Variants in CAMSAP1 observed in about 807,000 individuals in gnomAD.
CAMSAP1 encodes calmodulin-regulated spectrin-associated protein 1.
A neutral mutation model predicts 143.5 loss-of-function variants in CAMSAP1; 58 were observed. That is an observed-to-expected ratio of 0.40 (90% CI 0.33 to 0.50). CAMSAP1 has a LOEUF of 0.50. Ranked by LOEUF, CAMSAP1 falls within the 20% of genes least tolerant of loss-of-function variation. The pLI is 0.45. For missense variants in CAMSAP1, 1,969 were observed against 2,115.7 expected (o/e 0.93, Z 1.36); for synonymous variants, 945 against 859.3 (o/e 1.10, Z -1.74).
chr9:135,842,393 G>A (rs111309978), intron 7 of CAMSAP1, among the ~76,000 whole-genome samples: 2,823 of 152,274 alleles, frequency 0.019, 93 homozygotes, highest in African/African-American at 0.065. Context: ...CTAAAGTGAC[G>A]GGGAGAATGG....
At chr9:135,886,895 C>T (rs1181624468) in intron 1 of CAMSAP1, among the ~76,000 whole-genome samples, 1 of 152,218 alleles carries the variant, frequency 6.6e-6, no homozygotes, top group Non-Finnish European at 1.5e-5. Context: ...CTTATAATTC[C>T]TGCCAGCCTG....
intron 5 of CAMSAP1, among the ~76,000 whole-genome samples, chr9:135,850,706 C>A (rs550582822): frequency 6.6e-6 from 1 of 152,180 alleles, no homozygotes; most frequent in Non-Finnish European, 1.5e-5. Context: ...TAATAGAAAT[C>A]GCTCAGATCT....
chr9:135,907,269 A>C lies in CAMSAP1; in HGVS notation c.-110T>G, dbSNP rs956228971. ...CCACCACTCGGCCCCGCAGCCGGCC[A>C]GCCGGGAGGGGCGCCCGAGCGCGGC... On this transcript the variant is annotated 5_prime_UTR_variant, in exon 1 of 17. Transcript: ENST00000389532. 19 of 705,700 alleles carry C rather than the reference A, an allele frequency of 2.7e-5. No homozygotes were observed. Among genetic ancestry groups the C allele is most frequent in the Non-Finnish European group, 3.3e-5 (19 of 575,228 alleles). The allele number at this position is 705,700 out of a possible 1,614,324, so 43.7% of individuals were successfully genotyped here.
rs906378781 is a variant in CAMSAP1, at chr9:135,819,283, G to A, written c.3823-137C>T. ...AAGACTTCTATGCTTTTCTCTAACC[G>A]TTACAGACTCTGAAATACGAATGAA... is the stretch of plus-strand genomic sequence containing the variant. On this transcript the variant is annotated intron_variant, in intron 11 of 16. Coordinates refer to ENST00000389532, the MANE Select transcript of CAMSAP1 (RefSeq NM_015447.4). 13 of 1,199,972 alleles carry A rather than the reference G, an allele frequency of 1.1e-5. No homozygotes were observed. The African/African-American group carries it at 1.5e-4, about 14-fold the overall frequency. The allele number at this position is 1,199,972 out of a possible 1,614,324, so 74.3% of individuals were successfully genotyped here.
rs924298374 is a variant in CAMSAP1 at position 135,882,741 on chromosome 9, T to C, written c.423+75A>G. On this transcript the variant is annotated intron_variant, in intron 2 of 16. Coordinates refer to ENST00000389532, the MANE Select transcript of CAMSAP1 (RefSeq NM_015447.4). The surrounding 1 kb of genome is among the most constrained non-coding windows in gnomAD (Gnocchi z 4.9). ...CCGCACACCGTGTTCACACCATCCA[T>C]GCACCAGGTGCGCCACACGAGAGCC... 8 of 1,487,254 alleles carry C rather than the reference T, an allele frequency of 5.4e-6. No homozygotes were observed. Among genetic ancestry groups the C allele is most frequent in the African/African-American group, 4.2e-5 (3 of 71,932 alleles). 92.1% of individuals were successfully genotyped at this position (1,487,254 alleles called of 1,614,324 possible).
intron 7 of CAMSAP1, chr9:135,836,763 C>T (rs1195391996): frequency 1.0e-6 from 1 of 979,328 alleles, no homozygotes; most frequent in East Asian, 1.2e-4. Context: ...TGTCACGTAC[C>T]TTCTACCCTG....
intron 1 of CAMSAP1, among the ~76,000 whole-genome samples, chr9:135,894,113 C>T (rs1417331110): frequency 6.6e-6 from 1 of 152,174 alleles, no homozygotes; most frequent in Non-Finnish European, 1.5e-5. Flanking sequence ...CCACCTACCA[C>T]ACCAGGCGAG....
intron 3 of CAMSAP1, among the ~76,000 whole-genome samples, chr9:135,876,439 A>G (rs1837752525): frequency 6.6e-6 from 1 of 152,228 alleles, no homozygotes. Flanking sequence ...GCACCTCATA[A>G]AAGAATGTAG....
intron 3 of CAMSAP1, 36 bp from the exon 4 acceptor site, chr9:135,866,572 G>T: frequency 1.0e-6 from 1 of 963,990 alleles, no homozygotes. Flanking sequence ...AGAGGTAATT[G>T]CTGTCCCGCA....
At chr9:135,823,693 C>T (rs1055036096) in intron 10 of CAMSAP1, among the ~76,000 whole-genome samples, 1 of 152,206 alleles carries the variant, frequency 6.6e-6, no homozygotes, top group African/African-American at 2.4e-5. Context: ...TGGGATCTGG[C>T]TGGACCCTCA....
At chr9:135,888,313 C>T (rs986788481) in intron 1 of CAMSAP1, among the ~76,000 whole-genome samples, 1 of 152,252 alleles carries the variant, frequency 6.6e-6, no homozygotes, top group Non-Finnish European at 1.5e-5. Flanking sequence ...AAGTGGCCAT[C>T]TGTCGACTGC....
chr9:135,902,516 T>G (rs1275591245), intron 1 of CAMSAP1, among the ~76,000 whole-genome samples: 1 of 152,162 alleles, frequency 6.6e-6, no homozygotes, highest in African/African-American at 2.4e-5. Context: ...GAGCACAGAT[T>G]TCATTTTAAC....
Position 135,877,208 on chromosome 9 carries a change from C to T in CAMSAP1, c.585+4425G>A, listed in dbSNP as rs550608409. ...CAATGCCACAGGTCAATCTCAGAAACACTTTGTTCACTGAAAGAAGCCAAA... is the reference window on the plus strand; with the variant it reads ...CAATGCCACAGGTCAATCTCAGAAATACTTTGTTCACTGAAAGAAGCCAAA... On this transcript the variant is annotated intron_variant, in intron 3 of 16. Transcript: ENST00000389532. Among the ~76,000 whole-genome samples the T allele has an allele frequency of 2.0e-5, 3 of 152,062 alleles. No homozygotes were observed. The South Asian group carries it at 6.3e-4, about 32-fold the overall frequency.
intron 7 of CAMSAP1, among the ~76,000 whole-genome samples, chr9:135,847,840 G>C (rs995811840): frequency 2.6e-5 from 1 of 39,000 alleles, no homozygotes; most frequent in African/African-American, 1.1e-4. Flanking sequence ...CCCAGAACAG[G>C]GAAGGGGAGG....
At chr9:135,843,742 C>T (rs1268506119) in intron 7 of CAMSAP1, among the ~76,000 whole-genome samples, 6 of 151,734 alleles carry the variant, frequency 4.0e-5, no homozygotes, top group South Asian at 2.1e-4. Flanking sequence ...GGCGTGGTGG[C>T]GGGCACCTGT....
At chr9:135,886,766 T>C (rs569032565) in intron 1 of CAMSAP1, among the ~76,000 whole-genome samples, 1 of 152,306 alleles carries the variant, frequency 6.6e-6, no homozygotes, top group South Asian at 2.1e-4. Context: ...GCTGCTGTGG[T>C]CACCGCCAGG....
intron 1 of CAMSAP1, among the ~76,000 whole-genome samples, chr9:135,906,384 G>A (rs1033203997): frequency 6.6e-6 from 1 of 152,236 alleles, no homozygotes; most frequent in Non-Finnish European, 1.5e-5. Context: ...CCTGTTCCCA[G>A]GGCACGAAAC....
intron 15 of CAMSAP1, 105 bp downstream of exon 15, chr9:135,815,785 A>G: frequency 1.1e-6 from 1 of 926,790 alleles, no homozygotes; most frequent in Non-Finnish European, 1.6e-6. Context: ...CATCTTTGTT[A>G]GAAAAATACT....
chr9:135,840,904 A>C (rs895872461), intron 7 of CAMSAP1, among the ~76,000 whole-genome samples: 2 of 152,214 alleles, frequency 1.3e-5, no homozygotes, highest in Admixed American at 1.3e-4. Flanking sequence ...CTGGGTTTCC[A>C]GCACAAAACT....
Sources: allele counts gnomAD v4.1 joint callset (sites outside exome capture counted in the v4.1 genomes callset), GRCh38; gene constraint gnomAD v4.1.1; non-coding constraint Gnocchi (gnomAD v3.1); transcripts MANE v1.5; gene names NCBI Gene and HGNC (gene_info 2026-07-23, HGNC 2026-07-21).